Variants in ARMC2 observed in about 807,000 individuals in gnomAD.
ARMC2 encodes armadillo repeat containing 2, also known as armadillo repeat-containing protein 2.
ARMC2 carries 67 observed loss-of-function variants against 90.3 expected under a neutral mutation model. That is an observed-to-expected ratio of 0.74 (90% CI 0.61 to 0.91). The LOEUF is 0.91. Among genes scored for constraint, ARMC2 ranks in the 40% least tolerant of loss-of-function variants. The pLI, the probability that ARMC2 is intolerant of heterozygous loss-of-function variation, is 0.00. For missense variants in ARMC2, 920 were observed against 1,030.9 expected, an observed-to-expected ratio of 0.89 and a Z score of 1.47; for synonymous variants, 393 against 393.0, an observed-to-expected ratio of 1.00 and a Z score of 0.00.
the ARMC2 span, among the ~76,000 whole-genome samples, chr6:109,020,740 C>G: frequency 6.6e-6 from 1 of 152,258 alleles, no homozygotes; most frequent in East Asian, 1.9e-4. Flanking sequence ...ACTGACAGAG[C>G]ATTACCTGCA....
the ARMC2 span, among the ~76,000 whole-genome samples, chr6:109,011,710 C>A: frequency 6.6e-6 from 1 of 151,312 alleles, no homozygotes; most frequent in Non-Finnish European, 1.5e-5. Context: ...TTCACTGCAG[C>A]CTTGACCTCC....
chr6:109,036,558 CA>C, the ARMC2 span, among the ~76,000 whole-genome samples: 1 of 152,126 alleles, frequency 6.6e-6, no homozygotes, highest in African/African-American at 2.4e-5. Context: ...GTGTATTTAT[CA>C]AATACTACTA....
chr6:109,007,256 A>C, the ARMC2 span, among the ~76,000 whole-genome samples: 4 of 152,204 alleles, frequency 2.6e-5, no homozygotes, highest in Admixed American at 6.5e-5. Flanking sequence ...GTATGAATCA[A>C]TGTTTGTGTA....
chr6:108,888,906 G>A (rs561880204), intron 5 of ARMC2, among the ~76,000 whole-genome samples: 2 of 152,020 alleles, frequency 1.3e-5, no homozygotes, highest in South Asian at 2.1e-4. Flanking sequence ...CCCCCAAATC[G>A]CATCACTTCC....
At chr6:108,869,438 G>A (rs1776159504) in intron 4 of ARMC2, among the ~76,000 whole-genome samples, 1 of 152,198 alleles carries the variant, frequency 6.6e-6, no homozygotes, top group Non-Finnish European at 1.5e-5. Context: ...AAACCAGGAG[G>A]TGGAGGTTGC....
the ARMC2 span, chr6:109,001,326 G>C: frequency 6.2e-7 from 1 of 1,613,774 alleles, no homozygotes; most frequent in Non-Finnish European, 8.5e-7. Context: ...AGGGGTAACG[G>C]CCCATCCATT....
At position 108,909,468 on chromosome 6, in the gene ARMC2, T is replaced by C. The variant is rs570588669; in HGVS notation, c.1024-1431T>C. On this transcript the variant is annotated intron_variant, in intron 8 of 17. Coordinates refer to ENST00000392644, the MANE Select transcript of ARMC2 (RefSeq NM_032131.6). ...CTTTGCTTTTTAAAAAAAAAAACAC[T>C]ATATTTCCTTATCACCCCATGTTTA... Among the ~76,000 whole-genome samples the C allele has an allele frequency of 8.5e-5, 13 of 152,224 alleles. No homozygotes were observed. The South Asian group carries it at 2.5e-3, about 29-fold the overall frequency.
At chr6:108,878,666 C>T (rs1777168452) in intron 5 of ARMC2, among the ~76,000 whole-genome samples, 1 of 152,132 alleles carries the variant, frequency 6.6e-6, no homozygotes, top group South Asian at 2.1e-4. Flanking sequence ...CTTTAGAGGA[C>T]TATTTAACTT....
rs372533595 is a variant in ARMC2, at chr6:108,868,900, C to T, written c.368C>T (p.Ala123Val). The stretch of plus-strand genomic sequence containing the variant: ...TTTCCTAAGCCCCCAGTGGACCCTG[C>T]GAAGATTAGAAGAGTAAGCAACGCC... ...FSFPKPPVDP[A>V]KIRRVSNARA... The change falls in exon 4 of 18, where the codon GCG becomes GTG. Residue 123 changes from alanine to valine, a missense_variant. Coordinates refer to ENST00000392644, the MANE Select transcript of ARMC2 (RefSeq NM_032131.6). 40 of 1,613,858 alleles carry T rather than the reference C, an allele frequency of 2.5e-5. No homozygotes were observed. Among genetic ancestry groups the T allele is most frequent in the East Asian group, 4.5e-5 (2 of 44,894 alleles).
chr6:109,036,117 C>T, the ARMC2 span, among the ~76,000 whole-genome samples: 1 of 152,060 alleles, frequency 6.6e-6, no homozygotes, highest in African/African-American at 2.4e-5. Flanking sequence ...CCTTTTCCTA[C>T]CAAGGTACAC....
chr6:108,866,945 A>G (rs775547377), intron 3 of ARMC2, among the ~76,000 whole-genome samples: 3 of 152,106 alleles, frequency 2.0e-5, no homozygotes, highest in African/African-American at 4.8e-5. Flanking sequence ...TCTATGTTCT[A>G]TTCATGTATG....
chr6:108,883,644 C>A (rs1420554005), intron 5 of ARMC2, among the ~76,000 whole-genome samples: 1 of 152,098 alleles, frequency 6.6e-6, no homozygotes, highest in African/African-American at 2.4e-5. Context: ...TTACTTTTTT[C>A]TTAACTTTAG....
At position 108,956,714 on chromosome 6, in the gene ARMC2, G is replaced by A. The variant is rs186886437; in HGVS notation, c.1915+3363G>A. Among the ~76,000 whole-genome samples the A allele has an allele frequency of 2.2e-3, 335 of 150,738 alleles. 1 individual carries two copies. Among genetic ancestry groups the A allele is most frequent in the Admixed American group, 4.2e-3 (64 of 15,234 alleles). The stretch of plus-strand genomic sequence containing the variant: ...AGACCCTGTCTCCAAGAAAAAGTCC[G>A]GGCGCAGTGGCTCACACCTGTCATC... On this transcript the variant is annotated intron_variant, in intron 13 of 17. Transcript: ENST00000392644.
chr6:108,965,166 T>C (rs755231640), intron 17 of ARMC2, 26 bp downstream of exon 17: 2 of 1,566,838 alleles, frequency 1.3e-6, no homozygotes, highest in South Asian at 1.1e-5. Context: ...ATGATGAGTC[T>C]GTGAGTTTTA....
At chr6:108,906,239 A>G (rs980246368) in intron 8 of ARMC2, among the ~76,000 whole-genome samples, 1 of 152,128 alleles carries the variant, frequency 6.6e-6, no homozygotes, top group African/African-American at 2.4e-5. Context: ...ACAAATATAT[A>G]CAGTATGAAT....
At chr6:108,990,796 G>A in the ARMC2 span, 2 of 1,613,852 alleles carry the variant, frequency 1.2e-6, no homozygotes, top group East Asian at 2.2e-5. Context: ...GGATAAAGGC[G>A]ATTTACCAAA....
At chr6:108,986,086 C>CAA in the ARMC2 span, among the ~76,000 whole-genome samples, 3 of 152,190 alleles carry the variant, frequency 2.0e-5, no homozygotes, top group African/African-American at 7.2e-5. Context: ...GTTATCATCA[C>CAA]AACAGCTTCA....
At chr6:109,039,755 T>C in the ARMC2 span, among the ~76,000 whole-genome samples, 1 of 152,246 alleles carries the variant, frequency 6.6e-6, no homozygotes, top group Non-Finnish European at 1.5e-5. Context: ...GTAAAAGTTA[T>C]TTTAGCTACC....
chr6:108,926,422 C>G (rs1157112221), intron 10 of ARMC2, among the ~76,000 whole-genome samples: 2 of 152,188 alleles, frequency 1.3e-5, no homozygotes, highest in East Asian at 1.9e-4. Flanking sequence ...GTTCATTAGT[C>G]TTCACAAAAG....
Sources: gnomAD v4.1 joint callset for allele counts (sites outside exome capture counted in the v4.1 genomes callset) on GRCh38, gnomAD v4.1.1 for gene constraint, MANE v1.5 for transcripts, NCBI Gene and HGNC (gene_info 2026-07-23, HGNC 2026-07-21) for gene names.